The following SYNPR variants were observed in gnomAD, a reference collection of about 807,000 sequenced individuals.
The protein encoded by SYNPR is synaptoporin.
Under a neutral mutation model 32.9 loss-of-function variants are expected in SYNPR, and 23 were observed. That is an observed-to-expected ratio of 0.70 (90% confidence interval 0.50 to 0.99). The LOEUF (loss-of-function observed/expected upper bound fraction) is 0.99, where lower values mean the gene tolerates loss of function less well. SYNPR is among the 50% of genes least tolerant of loss of function. The probability of loss-of-function intolerance (pLI) is 0.00; values close to 1 mark genes in which losing one functional copy is unlikely to be tolerated. For missense variants in SYNPR, 318 were observed against 349.3 expected (o/e 0.91, Z 0.71); for synonymous variants, 146 against 135.9 (o/e 1.07, Z -0.52).
intron 2 of SYNPR, among the ~76,000 whole-genome samples, chr3:63,296,767 A>G (rs1333086452): frequency 6.6e-6 from 1 of 152,178 alleles, no homozygotes; most frequent in Non-Finnish European, 1.5e-5. Context: ...CTACTCTTTA[A>G]AAGTACAGTT....
intron 3 of SYNPR, among the ~76,000 whole-genome samples, chr3:63,527,875 A>G (rs1702043749): frequency 6.6e-6 from 1 of 152,122 alleles, no homozygotes; most frequent in Admixed American, 6.6e-5. Context: ...TTATCTTCCC[A>G]ATGTACATCA....
intron 2 of SYNPR, among the ~76,000 whole-genome samples, chr3:63,323,745 A>T (rs941677316): frequency 7.2e-5 from 11 of 152,146 alleles, no homozygotes; most frequent in African/African-American, 2.2e-4. Context: ...TAAAATGTAC[A>T]TTCAAAGAGA....
upstream of SYNPR, among the ~76,000 whole-genome samples, chr3:63,226,550 G>A (rs1438362237): frequency 6.6e-6 from 1 of 152,166 alleles, no homozygotes; most frequent in Non-Finnish European, 1.5e-5. Flanking sequence ...GTCATTTGCA[G>A]AAACATGGAT....
chr3:63,493,353 G>A (rs1701291863), intron 3 of SYNPR, among the ~76,000 whole-genome samples: 1 of 152,136 alleles, frequency 6.6e-6, no homozygotes, highest in African/African-American at 2.4e-5. Context: ...AGGGCTTGGA[G>A]TGTCATGAAG....
At chr3:63,395,312 A>C (rs2088197113) in intron 2 of SYNPR, among the ~76,000 whole-genome samples, 1 of 152,238 alleles carries the variant, frequency 6.6e-6, no homozygotes, top group African/African-American at 2.4e-5. Context: ...AAGTAGAAAT[A>C]AATCTTTTTA....
intron 2 of SYNPR, among the ~76,000 whole-genome samples, chr3:63,337,669 A>G (rs1222709098): frequency 9.2e-5 from 14 of 152,256 alleles, no homozygotes; most frequent in Admixed American, 9.2e-4. Context: ...ACAATGGAAT[A>G]TGTTATAGCA....
chr3:63,611,903 G>A (rs1258795912), intron 5 of SYNPR, among the ~76,000 whole-genome samples: 1 of 152,090 alleles, frequency 6.6e-6, no homozygotes, highest in Non-Finnish European at 1.5e-5. Context: ...TAGTAGAAAC[G>A]TGACTCAGAG....
At chr3:63,318,303 T>C (rs751702449) in intron 2 of SYNPR, among the ~76,000 whole-genome samples, 7 of 152,054 alleles carry the variant, frequency 4.6e-5, no homozygotes, top group Non-Finnish European at 8.8e-5. Context: ...TCTAGGTCTC[T>C]AGCAAGGCCA....
At chr3:63,505,002 T>C (rs1388609185) in intron 3 of SYNPR, among the ~76,000 whole-genome samples, 1 of 151,566 alleles carries the variant, frequency 6.6e-6, no homozygotes, top group African/African-American at 2.4e-5. Context: ...GAATCAAGAG[T>C]GTGTCTGTGA....
intron 3 of SYNPR, among the ~76,000 whole-genome samples, chr3:63,536,174 T>G (rs1472537356): frequency 2.0e-5 from 3 of 151,942 alleles, no homozygotes; most frequent in Non-Finnish European, 4.4e-5. Context: ...ATCAAGAAAG[T>G]GAATAAACCA....
At chr3:63,314,389 G>C (rs2087017960) in intron 2 of SYNPR, among the ~76,000 whole-genome samples, 1 of 151,376 alleles carries the variant, frequency 6.6e-6, no homozygotes, top group African/African-American at 2.4e-5. Context: ...ACTGTTTTTT[G>C]ATTCTTTTGA....
At chr3:63,524,666 C>T (rs1303262010) in intron 3 of SYNPR, among the ~76,000 whole-genome samples, 2 of 152,100 alleles carry the variant, frequency 1.3e-5, no homozygotes, top group Admixed American at 6.6e-5. Flanking sequence ...GGGTGTCATC[C>T]TCAATTTGCA....
chr3:63,241,575 A>G (rs1343885436), intron 1 of SYNPR, among the ~76,000 whole-genome samples: 5 of 152,092 alleles, frequency 3.3e-5, no homozygotes, highest in African/African-American at 1.2e-4. Flanking sequence ...AAAGAGACCT[A>G]AAGAATAAAT....
intron 2 of SYNPR, among the ~76,000 whole-genome samples, chr3:63,379,256 A>T (rs539195558): frequency 6.6e-6 from 1 of 152,270 alleles, no homozygotes; most frequent in East Asian, 1.9e-4. Context: ...CTTGAAAAGT[A>T]TGTATATCCT....
intron 2 of SYNPR, among the ~76,000 whole-genome samples, chr3:63,355,641 G>A (rs558998055): frequency 6.6e-6 from 1 of 152,252 alleles, no homozygotes; most frequent in African/African-American, 2.4e-5. Flanking sequence ...ACCGGTCCCT[G>A]CTTTCGTTTT....
intron 2 of SYNPR, among the ~76,000 whole-genome samples, chr3:63,453,168 A>G (rs913742369): frequency 3.3e-5 from 5 of 152,146 alleles, no homozygotes; most frequent in African/African-American, 1.2e-4. Context: ...GATCTAGCAC[A>G]AGTTAAAAGA....
chr3:63,292,604 G>A (rs1242528872), intron 2 of SYNPR, among the ~76,000 whole-genome samples: 1 of 152,142 alleles, frequency 6.6e-6, no homozygotes, highest in East Asian at 1.9e-4. Flanking sequence ...ATAACTAGCA[G>A]GCATAATTAT....
At chr3:63,530,459 A>T (rs1484291130) in intron 3 of SYNPR, among the ~76,000 whole-genome samples, 1 of 152,184 alleles carries the variant, frequency 6.6e-6, no homozygotes, top group African/African-American at 2.4e-5. Flanking sequence ...TATATTGAGG[A>T]ATAATAATAC....
At chr3:63,587,857 C>A (rs1000305663) in intron 4 of SYNPR, among the ~76,000 whole-genome samples, 1 of 152,004 alleles carries the variant, frequency 6.6e-6, no homozygotes, top group Non-Finnish European at 1.5e-5. Flanking sequence ...GGGATCCTCC[C>A]GTCTCAGCTT....
Sources: gnomAD v4.1 joint callset for allele counts (sites outside exome capture counted in the v4.1 genomes callset) on GRCh38, gnomAD v4.1.1 for gene constraint, MANE v1.5 for transcripts, NCBI Gene and HGNC (gene_info 2026-07-23, HGNC 2026-07-21) for gene names.